The following SIAH3 variants were observed in gnomAD, a reference collection of about 807,000 sequenced individuals.
The protein encoded by SIAH3 is siah E3 ubiquitin protein ligase family member 3.
A neutral mutation model predicts 12.6 loss-of-function variants in SIAH3; 9 were observed. That is an observed-to-expected ratio of 0.72 (90% CI 0.43 to 1.25). The LOEUF is 1.25. Ranked by LOEUF, SIAH3 falls within the 50% of genes most tolerant of loss-of-function variation. The pLI is 0.00. For synonymous variants in SIAH3, 154 were observed against 151.1 expected (o/e 1.02, Z -0.14); for missense variants, 390 against 365.4 (o/e 1.07, Z -0.55).
intron 1 of SIAH3, among the ~76,000 whole-genome samples, chr13:45,797,930 G>A (rs9590927): frequency 0.52 from 79,185 of 151,998 alleles, 21,879 homozygotes; most frequent in African/African-American, 0.65. Context: ...TGATGGCGGT[G>A]ATAGGGCTGC....
At chr13:45,787,653 C>T (rs1249180573) in intron 1 of SIAH3, among the ~76,000 whole-genome samples, 1 of 152,182 alleles carries the variant, frequency 6.6e-6, no homozygotes, top group African/African-American at 2.4e-5. Flanking sequence ...ACAAGAAGTT[C>T]CAAGTGGCTG....
chr13:45,830,999 C>T (rs540531489), intron 1 of SIAH3, among the ~76,000 whole-genome samples: 24 of 151,766 alleles, frequency 1.6e-4, no homozygotes, highest in African/African-American at 5.3e-4. Flanking sequence ...GCCAACATGG[C>T]GAAACCCCGT....
intron 1 of SIAH3, among the ~76,000 whole-genome samples, chr13:45,802,434 G>C (rs1950585567): frequency 6.6e-6 from 1 of 152,210 alleles, no homozygotes; most frequent in South Asian, 2.1e-4. Context: ...CAGTGAGGCA[G>C]TGAAGGAACT....
At chr13:45,789,345 C>A (rs1950537787) in intron 1 of SIAH3, among the ~76,000 whole-genome samples, 1 of 150,784 alleles carries the variant, frequency 6.6e-6, no homozygotes, top group Non-Finnish European at 1.5e-5. Context: ...ATAAATCTAT[C>A]TGTGTATCTA....
intron 1 of SIAH3, among the ~76,000 whole-genome samples, chr13:45,812,303 CTG>C (rs756303425): frequency 4.6e-5 from 7 of 152,212 alleles, no homozygotes; most frequent in Non-Finnish European, 1.0e-4. Flanking sequence ...CAGACAAGCC[CTG>C]TGAGCCCATT....
intron 1 of SIAH3, among the ~76,000 whole-genome samples, chr13:45,800,470 G>A (rs1347957787): frequency 6.6e-6 from 1 of 152,226 alleles, no homozygotes; most frequent in Admixed American, 6.5e-5. Flanking sequence ...GTAGTTCAGA[G>A]CCTCAAAGAA....
At chr13:45,849,736 A>G (rs1440824891) in intron 1 of SIAH3, among the ~76,000 whole-genome samples, 1 of 152,238 alleles carries the variant, frequency 6.6e-6, no homozygotes, top group Non-Finnish European at 1.5e-5. Context: ...CACTCCACAC[A>G]GAGACCTTAA....
At chr13:45,809,319 C>A (rs1007269272) in intron 1 of SIAH3, among the ~76,000 whole-genome samples, 1 of 86,212 alleles carries the variant, frequency 1.2e-5, no homozygotes, top group Non-Finnish European at 2.3e-5. Flanking sequence ...GAAATCATTA[C>A]ACGTGCTAGA....
intron 1 of SIAH3, among the ~76,000 whole-genome samples, chr13:45,844,303 C>A (rs1461791462): frequency 6.6e-6 from 1 of 152,096 alleles, no homozygotes; most frequent in Non-Finnish European, 1.5e-5. Context: ...GGAAAAGCTG[C>A]CCTCAGTGTT....
intron 1 of SIAH3, among the ~76,000 whole-genome samples, chr13:45,796,360 C>G (rs1425005052): frequency 2.0e-5 from 3 of 151,926 alleles, no homozygotes; most frequent in Non-Finnish European, 4.4e-5. Flanking sequence ...CTCAAGAACC[C>G]TAGGGGGTCT....
At chr13:45,847,575 C>T (rs7981443) in intron 1 of SIAH3, among the ~76,000 whole-genome samples, 6,461 of 151,816 alleles carry the variant, frequency 0.043, 479 homozygotes, top group African/African-American at 0.15. Flanking sequence ...ATCTGTCGGG[C>T]ACTTAAAGCC....
Position 45,781,961 on chromosome 13 carries a change from G to A in SIAH3, c.*1422C>T, listed in dbSNP as rs893891878. 6.6e-6 allele frequency: 1 copy of A among 152,234 alleles called. No individual in the cohort carries two copies. The highest frequency in any genetic ancestry group is 2.4e-5 in the African/African-American group (1 of 41,400). 9.4% of individuals were successfully genotyped at this position (152,234 alleles called of 1,614,324 possible). ...ATTTGGCTGTCATGGGAATGTGCTG[G>A]GGATGGGGTGCCTGACTTCTGCAGT... On this transcript the variant is annotated 3_prime_UTR_variant, in exon 2 of 2. Coordinates refer to ENST00000400405, the MANE Select transcript of SIAH3 (RefSeq NM_198849.3).
At chr13:45,848,504 G>A (rs1593390978) in intron 1 of SIAH3, among the ~76,000 whole-genome samples, 5 of 152,304 alleles carry the variant, frequency 3.3e-5, no homozygotes, top group South Asian at 2.1e-4. Context: ...CAGCTTGCTC[G>A]AAGGAATCCC....
chr13:45,806,191 T>C (rs1950597678), intron 1 of SIAH3, among the ~76,000 whole-genome samples: 1 of 152,186 alleles, frequency 6.6e-6, no homozygotes, highest in African/African-American at 2.4e-5. Context: ...AGAACTACCA[T>C]TTGACCCAGC....
intron 1 of SIAH3, among the ~76,000 whole-genome samples, chr13:45,839,810 C>T (rs557445302): frequency 5.3e-5 from 8 of 151,514 alleles, no homozygotes; most frequent in African/African-American, 1.7e-4. Context: ...CCAGCCTGGG[C>T]AACAGAGTGA....
intron 1 of SIAH3, among the ~76,000 whole-genome samples, chr13:45,847,246 A>G (rs1950763461): frequency 6.6e-6 from 1 of 152,222 alleles, no homozygotes. Context: ...TTCACGCAGA[A>G]CACTCCAAAG....
chr13:45,846,508 G>A (rs1266008414), intron 1 of SIAH3, among the ~76,000 whole-genome samples: 2 of 152,152 alleles, frequency 1.3e-5, no homozygotes, highest in African/African-American at 2.4e-5. Flanking sequence ...AGGAAACAGA[G>A]CTAGTTGGGT....
intron 1 of SIAH3, among the ~76,000 whole-genome samples, chr13:45,819,903 C>T (rs988955370): frequency 9.2e-5 from 14 of 152,176 alleles, no homozygotes; most frequent in African/African-American, 3.1e-4. Context: ...GGGTTCCTCA[C>T]AGTTCTGGAG....
intron 1 of SIAH3, among the ~76,000 whole-genome samples, chr13:45,832,821 C>A (rs963390970): frequency 6.6e-6 from 1 of 152,186 alleles, no homozygotes; most frequent in African/African-American, 2.4e-5. Flanking sequence ...TCCTCCACAC[C>A]CTCAGAAACA....
Sources: allele counts gnomAD v4.1 joint callset (sites outside exome capture counted in the v4.1 genomes callset), GRCh38; gene constraint gnomAD v4.1.1; transcripts MANE v1.5; gene names NCBI Gene and HGNC (gene_info 2026-07-23, HGNC 2026-07-21).